SPATS2: variants seen among roughly 807,000 people sequenced by gnomAD.
SPATS2 encodes spermatogenesis-associated serine-rich protein 2.
A neutral mutation model predicts 63.7 loss-of-function variants in SPATS2; 38 were observed. The ratio of observed to expected loss-of-function variants is 0.60; its 90% CI spans 0.46 to 0.78. The LOEUF (loss-of-function observed/expected upper bound fraction) is 0.78. Among genes scored for constraint, SPATS2 ranks in the 30% least tolerant of loss-of-function variants. The probability of loss-of-function intolerance (pLI) is 0.00; values close to 1 mark genes in which losing one functional copy is unlikely to be tolerated. For missense variants in SPATS2, 588 were observed against 666.2 expected (o/e 0.88, Z 1.29); for synonymous variants, 207 against 232.9 (o/e 0.89, Z 1.01).
intron 9 of SPATS2, chr12:49,512,719 C>T: frequency 2.6e-6 from 1 of 391,908 alleles, no homozygotes; most frequent in Non-Finnish European, 4.4e-6. Flanking sequence ...AAATATTTTA[C>T]AAGCTTTGTC....
chr12:49,435,955 G>A (rs1221399890), intron 2 of SPATS2, among the ~76,000 whole-genome samples: 2 of 150,326 alleles, frequency 1.3e-5, no homozygotes, highest in Admixed American at 1.3e-4. Flanking sequence ...GCACAGGGTT[G>A]GGGGTAAGGT....
chr12:49,395,175 T>A (rs1315522308), intron 2 of SPATS2, among the ~76,000 whole-genome samples: 1 of 152,080 alleles, frequency 6.6e-6, no homozygotes, highest in Non-Finnish European at 1.5e-5. Context: ...AGTATTTTTT[T>A]ATTTATAGAG....
intron 2 of SPATS2, among the ~76,000 whole-genome samples, chr12:49,436,723 C>T (rs1431880590): frequency 2.1e-5 from 3 of 144,720 alleles, no homozygotes; most frequent in Non-Finnish European, 3.1e-5. Context: ...GGCGGCTGGC[C>T]GGGCGGGGGG....
rs867292792 is a variant in SPATS2, at chr12:49,478,689, A to G, written c.26-5901A>G. On this transcript the variant is annotated intron_variant, in intron 3 of 13. Transcript: ENST00000552918. ...AAGTAATAATCATACTTGTCAGGTT[A>G]TCTAGACTTCTGGGCTTTACCTATA... is the stretch of plus-strand genomic sequence containing the variant. Among the ~76,000 whole-genome samples, 43 of 152,314 alleles carry G rather than the reference A, an allele frequency of 2.8e-4. No homozygotes were observed. The Middle Eastern group carries it at 0.01, about 36-fold the overall frequency.
At chr12:49,507,148 C>A (rs983901176) in intron 9 of SPATS2, among the ~76,000 whole-genome samples, 1 of 152,200 alleles carries the variant, frequency 6.6e-6, no homozygotes, top group Non-Finnish European at 1.5e-5. Context: ...CACTATTATT[C>A]TTAAGTCACA....
intron 13 of SPATS2, 55 bp from the exon 14 acceptor site, chr12:49,525,889 G>A (rs904265631): frequency 1.4e-5 from 22 of 1,563,156 alleles, no homozygotes; most frequent in Admixed American, 1.3e-4. Context: ...TAAAGTGAAC[G>A]AATGGGGTAC....
In SPATS2 at chr12:49,498,362, G is replaced by A. The variant is rs535669405; in HGVS notation, c.703+1353G>A. ...ATATAGAAAGGTAAATAGAACTCTT[G>A]GAAATTGGTTAAAATGTGTTGAGTA... On this transcript the variant is annotated intron_variant, in intron 8 of 13. Coordinates refer to ENST00000552918, the MANE Select transcript of SPATS2 (RefSeq NM_023071.4). Among the ~76,000 whole-genome samples, 19 of 152,016 alleles carry A rather than the reference G, an allele frequency of 1.2e-4. 1 individual carries two copies. In the South Asian group the frequency reaches 3.9e-3, roughly 32 times the overall value.
chr12:49,438,116 G>A (rs958912771), intron 2 of SPATS2, among the ~76,000 whole-genome samples: 3 of 151,622 alleles, frequency 2.0e-5, no homozygotes, highest in Non-Finnish European at 4.4e-5. Context: ...TTTCTCAGAG[G>A]AACACTGTCC....
intron 9 of SPATS2, among the ~76,000 whole-genome samples, chr12:49,512,315 C>G (rs1020135866): frequency 1.3e-5 from 2 of 152,016 alleles, no homozygotes; most frequent in Admixed American, 1.3e-4. Flanking sequence ...AAACAACAAA[C>G]AAAAAGAAAC....
chr12:49,505,343 A>G (rs1428711226), intron 9 of SPATS2, among the ~76,000 whole-genome samples: 2 of 152,180 alleles, frequency 1.3e-5, no homozygotes, highest in African/African-American at 4.8e-5. Flanking sequence ...CTAGTACTTG[A>G]CACCATGGTT....
chr12:49,441,325 A>G (rs1945414374), intron 2 of SPATS2, among the ~76,000 whole-genome samples: 1 of 152,170 alleles, frequency 6.6e-6, no homozygotes, highest in African/African-American at 2.4e-5. Context: ...TGTATTCTCA[A>G]GTACCATAAT....
chr12:49,430,232 C>G (rs1436015239), intron 2 of SPATS2, among the ~76,000 whole-genome samples: 1 of 150,728 alleles, frequency 6.6e-6, no homozygotes, highest in Admixed American at 6.6e-5. Context: ...TCCCGAGTAG[C>G]TGGGATTACA....
chr12:49,450,042 C>A (rs1945590559), intron 2 of SPATS2, among the ~76,000 whole-genome samples: 1 of 151,974 alleles, frequency 6.6e-6, no homozygotes, highest in Non-Finnish European at 1.5e-5. Flanking sequence ...AATATGATTT[C>A]TCTCTGTCTC....
At chr12:49,388,846 C>T (rs1944367887) in intron 2 of SPATS2, among the ~76,000 whole-genome samples, 1 of 151,852 alleles carries the variant, frequency 6.6e-6, no homozygotes, top group Non-Finnish European at 1.5e-5. Flanking sequence ...AGGCACAAGT[C>T]CCCATGCCCA....
intron 2 of SPATS2, among the ~76,000 whole-genome samples, chr12:49,426,422 G>A (rs1228992977): frequency 2.0e-5 from 3 of 152,238 alleles, no homozygotes; most frequent in Admixed American, 1.3e-4. Context: ...AGATTTGTTC[G>A]ATTATGAGGT....
intron 3 of SPATS2, among the ~76,000 whole-genome samples, chr12:49,483,658 G>A (rs1946243192): frequency 6.6e-6 from 1 of 152,190 alleles, no homozygotes; most frequent in South Asian, 2.1e-4. Context: ...GTGTACTAGA[G>A]TATTACCGTG....
At chr12:49,377,407 T>A (rs1036284764) in intron 2 of SPATS2, among the ~76,000 whole-genome samples, 1 of 152,212 alleles carries the variant, frequency 6.6e-6, no homozygotes, top group South Asian at 2.1e-4. Context: ...AAAGGAAGGA[T>A]ATTTGATACT....
intron 2 of SPATS2, among the ~76,000 whole-genome samples, chr12:49,418,334 T>C (rs1449655839): frequency 6.6e-6 from 1 of 151,944 alleles, no homozygotes; most frequent in Non-Finnish European, 1.5e-5. Flanking sequence ...AGTTCTGCTC[T>C]TGTCACCCAG....
intron 3 of SPATS2, 138 bp downstream of exon 3, chr12:49,461,175 G>T: frequency 3.5e-6 from 3 of 854,202 alleles, no homozygotes; most frequent in Non-Finnish European, 5.5e-6. Context: ...TTATCGCTTT[G>T]TGTATTACTA....
Sources: gnomAD v4.1 joint callset for allele counts (sites outside exome capture counted in the v4.1 genomes callset) on GRCh38, gnomAD v4.1.1 for gene constraint, MANE v1.5 for transcripts, NCBI Gene and HGNC (gene_info 2026-07-23, HGNC 2026-07-21) for gene names.